Variants in CLCN1 observed in about 807,000 individuals in gnomAD.
CLCN1 encodes the protein chloride channel protein 1.
In CLCN1, 100 loss-of-function variants were observed where a neutral mutation model predicts 114.5. The observed-to-expected ratio is 0.87, with a 90% confidence interval of 0.74 to 1.03. CLCN1 has a LOEUF of 1.03. CLCN1 is among the 50% of genes least tolerant of loss of function. The pLI, the probability that CLCN1 is intolerant of heterozygous loss-of-function variation, is 0.00. For missense variants in CLCN1, 1,188 were observed against 1,250.0 expected (o/e 0.95, Z 0.75); for synonymous variants, 485 against 487.1 (o/e 1.00, Z 0.06).
intron 7 of CLCN1, 116 bp from the exon 8 acceptor site, chr7:143,330,656 A>T: frequency 1.5e-6 from 2 of 1,350,654 alleles, no homozygotes; most frequent in Non-Finnish European, 2.1e-6. Context: ...ACTTTCCACT[A>T]CTGCTTCCAC....
rs73172438 is a variant in CLCN1, at chr7:143,351,282, T to C, written c.2596-312T>C. Among the ~76,000 whole-genome samples, 1,442 of 152,112 alleles carry C rather than the reference T, an allele frequency of 9.5e-3. 14 individuals are homozygous for C. The highest frequency in any genetic ancestry group is 0.013 in the Admixed American group (206 of 15,284). On this transcript the variant is annotated intron_variant, in intron 22 of 22. Transcript: ENST00000343257. Reference sequence around the variant, plus strand: ...AGTCACAGTTTCTCGGGGATGCGCTTTGAGGAAAGCTGCGGAAAAAAGGCA... The same window carrying C: ...AGTCACAGTTTCTCGGGGATGCGCTCTGAGGAAAGCTGCGGAAAAAAGGCA...
At position 143,339,182 on chromosome 7, in the gene CLCN1, G is replaced by A; in HGVS notation, c.1402-71G>A. ...GATTTCTGCAGAAAGGAGGATAGTGGGAAGGGAATTGTGTGTGCATGTCTA... is the reference window on the plus strand; with the variant it reads ...GATTTCTGCAGAAAGGAGGATAGTGAGAAGGGAATTGTGTGTGCATGTCTA... On this transcript the variant is annotated intron_variant, in intron 12 of 22. Coordinates refer to ENST00000343257, the MANE Select transcript of CLCN1 (RefSeq NM_000083.3). The surrounding 1 kb of genome is among the most constrained non-coding windows in gnomAD (Gnocchi z 4.1). 1.0e-6 allele frequency: 1 copy of A among 986,058 alleles called. No homozygotes were observed. 61.1% of individuals were successfully genotyped at this position (986,058 alleles called of 1,614,324 possible). A position where few individuals can be genotyped will look rare whatever the true frequency, so the allele number is the denominator to read the frequency against.
At chr7:143,345,433 C>T (rs1259619347) in intron 16 of CLCN1, 88 bp from the exon 17 acceptor site, 2 of 1,426,286 alleles carry the variant, frequency 1.4e-6, no homozygotes, top group Non-Finnish European at 1.9e-6. Context: ...CAGGGTGGCG[C>T]CTCTCCTGTT....
chr7:143,330,741 T>C, intron 7 of CLCN1, 31 bp from the exon 8 acceptor site: 1 of 1,613,684 alleles, frequency 6.2e-7, no homozygotes, highest in African/African-American at 1.3e-5. Flanking sequence ...CACTGCTGGC[T>C]GCCCCCAACC....
At position 143,350,372 on chromosome 7, in the gene CLCN1, A is replaced by T; in HGVS notation, c.2404A>T (p.Ile802Phe). 1 of 1,613,296 alleles carries T rather than the reference A, an allele frequency of 6.2e-7. No individual in the cohort carries two copies. The highest frequency in any genetic ancestry group is 8.5e-7 in the Non-Finnish European group (1 of 1,179,450). Residue 802 changes from isoleucine (I) to phenylalanine (F), a missense_variant and splice_region_variant, in exon 21 of 23, where the codon ATT (isoleucine) becomes TTT (phenylalanine). Ile to Phe is a conservative substitution (Grantham distance 21). Transcript: ENST00000343257. This position sits in a 1 kb window ranked among gnomAD's most constrained non-coding sequence, Gnocchi z 5.1. ...GTGACTTTCCTCCTCTGGCTGACAG[A>T]TTGAGGCCTGGGAGCAGGAGCAGCT... ...DLVDNMSPEE[I>F]EAWEQEQLSQ...
At position 143,342,504 on chromosome 7, in the gene CLCN1, A is replaced by AT; in HGVS notation, c.1929_1930insT (p.Asp644Ter). 1 of 1,614,118 alleles carries AT rather than the reference A, an allele frequency of 6.2e-7. No individual in the cohort carries two copies. Among genetic ancestry groups the AT allele is most frequent in the Non-Finnish European group, 8.5e-7 (1 of 1,180,002 alleles). ...AGACTTTACCACTGGTTGACTCAAAAGGTCAGTGGGGAGGAAGAAGTCGAC... is the reference window on the plus strand; with the variant it reads ...AGACTTTACCACTGGTTGACTCAAAATGGTCAGTGGGGAGGAAGAAGTCGAC... On this transcript the variant is annotated frameshift_variant and splice_region_variant, in exon 16 of 23. Transcript: ENST00000343257. LOFTEE classifies it high-confidence loss of function.
Position 143,321,816 on chromosome 7 carries a change from G to A in CLCN1, c.664G>A (p.Gly222Ser), listed in dbSNP as rs747078264. 75 of 1,614,112 alleles carry A rather than the reference G, an allele frequency of 4.6e-5. No homozygotes were observed. The Middle Eastern group carries it at 8.2e-4, about 18-fold the overall frequency. Residue 222 changes from glycine (G) to serine (S), a missense_variant, in exon 5 of 23, where the codon GGC (glycine) becomes AGC (serine). Gly to Ser is a moderately conservative substitution (Grantham distance 56). Transcript: ENST00000343257. This position sits in a 1 kb window ranked among gnomAD's most constrained non-coding sequence, Gnocchi z 4.2. ...FVAKVVALTAGLGSGIPVGKE... is the reference protein window; with the variant it reads ...FVAKVVALTASLGSGIPVGKE... ...GGCCAAGGTTGTCGCCCTGACTGCG[G>A]GCCTGGGCAGTGGCATCCCCGTGGG...
intron 6 of CLCN1, chr7:143,323,790 C>T (rs750692930): frequency 4.2e-6 from 2 of 478,742 alleles, no homozygotes; most frequent in South Asian, 1.5e-5. Flanking sequence ...CCCCTCCACC[C>T]CCTTGTCCCG....
Position 143,324,379 on chromosome 7 carries a change from T to C in CLCN1, c.775-35T>C. 6.5e-7 allele frequency: 1 copy of C among 1,533,006 alleles called. No homozygotes were observed. Among genetic ancestry groups the C allele is most frequent in the African/African-American group, 1.4e-5 (1 of 73,216 alleles). 95.0% of individuals were successfully genotyped at this position (1,533,006 alleles called of 1,614,324 possible). ...CCTCTGCCTGCCCACCTCCCTCTCTTCCACCTGTTTCTCTGTCTGTCTCTC... is the reference window on the plus strand; with the variant it reads ...CCTCTGCCTGCCCACCTCCCTCTCTCCCACCTGTTTCTCTGTCTGTCTCTC... On this transcript the variant is annotated intron_variant, in intron 6 of 22. Transcript: ENST00000343257. This position sits in a 1 kb window ranked among gnomAD's most constrained non-coding sequence, Gnocchi z 4.6.
At position 143,345,551 on chromosome 7, in the gene CLCN1, G is replaced by T. The variant is rs1322769496; in HGVS notation, c.1961G>T (p.Arg654Leu). 1.9e-6 allele frequency: 3 copies of T among 1,542,874 alleles called. No homozygotes were observed. Among genetic ancestry groups the T allele is most frequent in the Admixed American group, 2.0e-5 (1 of 50,640 alleles). The change falls in exon 17 of 23, where the codon CGG (arginine) becomes CTG (leucine). Residue 654 changes from arginine (R) to leucine (L), a missense_variant. Arg to Leu is a moderately radical substitution (Grantham distance 102). Coordinates refer to ENST00000343257, the MANE Select transcript of CLCN1 (RefSeq NM_000083.3). ...ATGATCCTGCTGGGCTCGGTGGAGC[G>T]GTCGGAACTGCAGGCCCTCCTGCAG... is the stretch of plus-strand genomic sequence containing the variant. Reference protein sequence around the residue: ...DSMILLGSVERSELQALLQRH... With the variant: ...DSMILLGSVELSELQALLQRH...
At chr7:143,334,720 T>G (rs890352917) in intron 12 of CLCN1, among the ~76,000 whole-genome samples, 1 of 152,240 alleles carries the variant, frequency 6.6e-6, no homozygotes, top group African/African-American at 2.4e-5. Context: ...GAAACTGTAT[T>G]TGCAAATGAT....
At chr7:143,332,376 T>C (rs765639055) in intron 10 of CLCN1, 43 bp from the exon 11 acceptor site, 2 of 1,440,028 alleles carry the variant, frequency 1.4e-6, no homozygotes, top group Admixed American at 3.3e-5. Flanking sequence ...GTATTTACTG[T>C]GAGTTGGCTG....
chr7:143,332,154 G>T (rs1235756471), intron 10 of CLCN1, among the ~76,000 whole-genome samples: 1 of 152,108 alleles, frequency 6.6e-6, no homozygotes, highest in African/African-American at 2.4e-5. Context: ...AGTAGAGATG[G>T]GGTTTCACCA....
Position 143,316,223 on chromosome 7 carries a change from C to A in CLCN1, c.11C>A (p.Ser4Tyr). Residue 4 changes from serine (S) to tyrosine (Y), a missense_variant, in exon 1 of 23, where the codon TCC becomes TAC. Ser to Tyr is a moderately radical substitution (Grantham distance 144). Transcript: ENST00000343257. MEQ[S>Y]RSQQRGGEQS... ...TCGGGGGGAGGGAATATGGAGCAAT[C>A]CCGGTCACAGCAGCGTGGGGGTGAA... The A allele has an allele frequency of 6.2e-7, 1 of 1,613,068 alleles. No homozygotes were observed. The highest frequency in any genetic ancestry group is 8.5e-7 in the Non-Finnish European group (1 of 1,179,478).
chr7:143,330,488 A>G (rs912420173), intron 7 of CLCN1, among the ~76,000 whole-genome samples: 5 of 152,168 alleles, frequency 3.3e-5, no homozygotes, highest in African/African-American at 1.2e-4. Flanking sequence ...TAAGGGATGC[A>G]GAGGGCACGG....
chr7:143,336,850 A>G (rs1802917891), intron 12 of CLCN1, among the ~76,000 whole-genome samples: 1 of 152,146 alleles, frequency 6.6e-6, no homozygotes, highest in South Asian at 2.1e-4. Context: ...ATCTTGGAGG[A>G]TAATCTAAAA....
Position 143,320,691 on chromosome 7 carries a change from T to G in CLCN1, c.329T>G (p.Val110Gly). 2 of 1,613,370 alleles carry G rather than the reference T, an allele frequency of 1.2e-6. No individual in the cohort carries two copies. The highest frequency in any genetic ancestry group is 8.5e-7 in the Non-Finnish European group (1 of 1,179,542). ...QDCIHRLGQV[V>G]RRKLGEDGIF... ...TGTATCCACCGCCTGGGACAGGTGG[T>G]GAGAAGAAAATTAGGGGAAGACGGG... The change falls in exon 3 of 23, where the codon GTG (valine) becomes GGG (glycine). Residue 110 changes from valine to glycine, a missense_variant. Transcript: ENST00000343257.
chr7:143,323,920 C>G (rs1397379489), intron 6 of CLCN1: 7 of 464,336 alleles, frequency 1.5e-5, no homozygotes, highest in African/African-American at 6.0e-5. Flanking sequence ...TCCTCCCTAT[C>G]CCGGTTGCCT....
At position 143,347,904 on chromosome 7, in the gene CLCN1, T is replaced by C. The variant is rs967422854; in HGVS notation, c.2403+955T>C. The stretch of plus-strand genomic sequence containing the variant: ...AGGGAACAGAATGTGGACTAGTGAT[T>C]GGAAGCAGGCGGTATCAGAACATAC... On this transcript the variant is annotated intron_variant, in intron 20 of 22. Coordinates refer to ENST00000343257, the MANE Select transcript of CLCN1 (RefSeq NM_000083.3). Among the ~76,000 whole-genome samples, 50 of 152,156 alleles carry C rather than the reference T, an allele frequency of 3.3e-4. 1 individual carries two copies. The highest frequency in any genetic ancestry group is 5.9e-5 in the Non-Finnish European group (4 of 68,042).
Sources: allele counts gnomAD v4.1 joint callset (sites outside exome capture counted in the v4.1 genomes callset), GRCh38; gene constraint gnomAD v4.1.1; non-coding constraint Gnocchi (gnomAD v3.1); transcripts MANE v1.5; gene names NCBI Gene and HGNC (gene_info 2026-07-23, HGNC 2026-07-21).